AGBL4: variants seen among roughly 807,000 people sequenced by gnomAD.
The protein encoded by AGBL4 is AGBL carboxypeptidase 4.
In AGBL4, 58 loss-of-function variants were observed where a neutral mutation model predicts 66.4. That is an observed-to-expected ratio of 0.87 (90% confidence interval 0.71 to 1.09). The LOEUF is 1.09. AGBL4 is among the 50% of genes least tolerant of loss of function. The pLI is 0.00. For missense variants in AGBL4, 579 were observed against 631.0 expected (o/e 0.92, Z 0.88); for synonymous variants, 234 against 222.9 (o/e 1.05, Z -0.44).
intron 1 of AGBL4, among the ~76,000 whole-genome samples, chr1:49,998,881 C>T (rs1660549220): frequency 6.6e-6 from 1 of 152,102 alleles, no homozygotes; most frequent in African/African-American, 2.4e-5. Context: ...CAAAATCCAG[C>T]ATCGCTTTAT....
At chr1:49,275,126 A>G (rs1644142229) in intron 3 of AGBL4, among the ~76,000 whole-genome samples, 1 of 152,186 alleles carries the variant, frequency 6.6e-6, no homozygotes, top group South Asian at 2.1e-4. Context: ...TATTTTACCA[A>G]GACTTTGACT....
At chr1:48,532,589 T>G (rs565453781), downstream of AGBL4, among the ~76,000 whole-genome samples, 4 of 152,328 alleles carry the variant, frequency 2.6e-5, no homozygotes, top group African/African-American at 9.6e-5. Context: ...CTGCCTCTTT[T>G]CATGCTATCT....
At chr1:48,756,443 C>T (rs1643930779) in intron 6 of AGBL4, among the ~76,000 whole-genome samples, 3 of 152,184 alleles carry the variant, frequency 2.0e-5, no homozygotes, top group Admixed American at 2.0e-4. Context: ...GGGCAGAGGG[C>T]AAGGGCTGTA....
intron 5 of AGBL4, among the ~76,000 whole-genome samples, chr1:48,876,730 A>C (rs1649270234): frequency 6.6e-6 from 1 of 152,140 alleles, no homozygotes; most frequent in Admixed American, 6.5e-5. Context: ...TCATATATTG[A>C]TAGTTTTTTA....
At chr1:49,325,216 G>T (rs369264371) in intron 3 of AGBL4, among the ~76,000 whole-genome samples, 1 of 152,096 alleles carries the variant, frequency 6.6e-6, no homozygotes. Flanking sequence ...TGGTAGAGAC[G>T]GGTTTTCACC....
At chr1:49,733,421 T>C (rs1649610427) in intron 2 of AGBL4, among the ~76,000 whole-genome samples, 1 of 152,198 alleles carries the variant, frequency 6.6e-6, no homozygotes, top group Admixed American at 6.5e-5. Flanking sequence ...CACAATATCG[T>C]ATAAGAAATT....
chr1:48,585,356 C>T (rs1644802302), intron 11 of AGBL4: 1 of 152,204 alleles, frequency 6.6e-6, no homozygotes, highest in Non-Finnish European at 1.5e-5. Flanking sequence ...TTATTCCAGG[C>T]AGCTCTCTGT....
chr1:49,214,698 G>A (rs1308319460), intron 4 of AGBL4, among the ~76,000 whole-genome samples: 1 of 152,236 alleles, frequency 6.6e-6, no homozygotes, highest in Admixed American at 6.5e-5. Context: ...TGGAGACTAT[G>A]TTTATAGCAG....
rs562400506 is a variant in AGBL4 at position 49,429,853 on chromosome 1, T to TA, written c.283-183990_283-183989insT. On this transcript the variant is annotated intron_variant, in intron 3 of 13. Coordinates refer to ENST00000371839, the MANE Select transcript of AGBL4 (RefSeq NM_032785.4). ...GTATTTGCAGTTCTTTGAATATATT[T>TA]TTTTTTTTTTTTTGAGACAGAGTCT... is the stretch of plus-strand genomic sequence containing the variant. Among the ~76,000 whole-genome samples, 236 of 150,524 alleles carry TA rather than the reference T, an allele frequency of 1.6e-3. 1 individual carries two copies. The highest frequency in any genetic ancestry group is 4.9e-3 in the African/African-American group (202 of 40,988).
chr1:49,790,941 T>C (rs532447854), intron 2 of AGBL4, among the ~76,000 whole-genome samples: 1 of 152,318 alleles, frequency 6.6e-6, no homozygotes, highest in South Asian at 2.1e-4. Flanking sequence ...ATTGACATTG[T>C]AGTGAGCTTT....
intron 3 of AGBL4, among the ~76,000 whole-genome samples, chr1:49,504,653 C>T (rs1309294158): frequency 6.6e-6 from 1 of 152,008 alleles, no homozygotes; most frequent in Non-Finnish European, 1.5e-5. Flanking sequence ...ATTAAAAATA[C>T]AGCTACCCTT....
intron 3 of AGBL4, among the ~76,000 whole-genome samples, chr1:49,281,393 C>T (rs1644269358): frequency 6.6e-6 from 1 of 152,118 alleles, no homozygotes; most frequent in South Asian, 2.1e-4. Flanking sequence ...GAGATGAAGC[C>T]ATCATGAGGA....
At chr1:49,458,116 G>T (rs1646431201) in intron 3 of AGBL4, among the ~76,000 whole-genome samples, 1 of 151,612 alleles carries the variant, frequency 6.6e-6, no homozygotes, top group Admixed American at 6.6e-5. Context: ...GATGGAAATT[G>T]CATTGAATTG....
intron 1 of AGBL4, among the ~76,000 whole-genome samples, chr1:49,949,989 T>C (rs1253282061): frequency 1.6e-5 from 2 of 123,258 alleles, no homozygotes; most frequent in Non-Finnish European, 3.5e-5. Context: ...CATATGTATA[T>C]ATATATGTGT....
intron 2 of AGBL4, among the ~76,000 whole-genome samples, chr1:49,788,198 C>T (rs1014747156): frequency 6.6e-6 from 1 of 152,092 alleles, no homozygotes; most frequent in African/African-American, 2.4e-5. Flanking sequence ...CTTTTCTGCA[C>T]AAGCCCCAAG....
intron 5 of AGBL4, among the ~76,000 whole-genome samples, chr1:48,895,224 C>T (rs545243461): frequency 5.3e-5 from 8 of 152,294 alleles, no homozygotes; most frequent in African/African-American, 1.9e-4. Context: ...TTCATAAAGG[C>T]CAATTAGAAG....
intron 5 of AGBL4, among the ~76,000 whole-genome samples, chr1:48,931,518 CTT>C (rs1176373231): frequency 6.6e-6 from 1 of 151,978 alleles, no homozygotes; most frequent in Admixed American, 6.6e-5. Context: ...CTTTCTTTCT[CTT>C]TCTCTCTCTT....
At chr1:49,453,983 A>C (rs1000094110) in intron 3 of AGBL4, among the ~76,000 whole-genome samples, 3 of 151,964 alleles carry the variant, frequency 2.0e-5, no homozygotes, top group South Asian at 4.1e-4. Context: ...TAGTGATTTT[A>C]AAATTTATCC....
At chr1:49,674,648 GAAGAAAAA>G (rs1646545992) in intron 3 of AGBL4, among the ~76,000 whole-genome samples, 1 of 150,790 alleles carries the variant, frequency 6.6e-6, no homozygotes, top group Non-Finnish European at 1.5e-5. Context: ...TAATGAGACA[GAAGAAAAA>G]AATCTATTAC....
Sources: gnomAD v4.1 joint callset for allele counts (sites outside exome capture counted in the v4.1 genomes callset) on GRCh38, gnomAD v4.1.1 for gene constraint, MANE v1.5 for transcripts, NCBI Gene and HGNC (gene_info 2026-07-23, HGNC 2026-07-21) for gene names.